Variants in STRIP2 observed in about 807,000 individuals in gnomAD.
The protein encoded by STRIP2 is striatin interacting protein 2.
Under a neutral mutation model 107.1 loss-of-function variants are expected in STRIP2, and 84 were observed. That is an observed-to-expected ratio of 0.78 (90% CI 0.66 to 0.94). The LOEUF is 0.94. Ranked by LOEUF, STRIP2 falls within the 40% of genes least tolerant of loss-of-function variation. STRIP2 has a pLI of 0.00. For missense variants in STRIP2, 888 were observed against 1,034.2 expected, an observed-to-expected ratio of 0.86 and a Z score of 1.94; for synonymous variants, 394 against 400.4, an observed-to-expected ratio of 0.98 and a Z score of 0.19.
intron 1 of STRIP2, among the ~76,000 whole-genome samples, chr7:129,436,438 C>G (rs957471909): frequency 3.3e-5 from 5 of 152,168 alleles, no homozygotes; most frequent in Non-Finnish European, 7.3e-5. Flanking sequence ...TCCAGAGACT[C>G]GAAAGCTTTC....
In STRIP2 at chr7:129,449,161, G is replaced by T. The variant is rs940165823; in HGVS notation, c.275-2452G>T. Reference sequence around the variant, plus strand: ...TTGAACGCAGAGCCCCTACTTAGTGGGCCTAAATCAATAAATTGAGCCTGA... The same window carrying T: ...TTGAACGCAGAGCCCCTACTTAGTGTGCCTAAATCAATAAATTGAGCCTGA... On this transcript the variant is annotated intron_variant, in intron 3 of 20. Coordinates refer to ENST00000249344, the MANE Select transcript of STRIP2 (RefSeq NM_020704.3). 2.0e-5 allele frequency among the ~76,000 whole-genome samples: 3 copies of T among 152,166 alleles called. 1 individual carries two copies. Among genetic ancestry groups the T allele is most frequent in the Admixed American group, 6.5e-5 (1 of 15,292 alleles).
rs2151002631 is a variant in STRIP2 at position 129,458,833 on chromosome 7, A to G, written c.1340+56A>G. On this transcript the variant is annotated intron_variant, in intron 11 of 20. Coordinates refer to ENST00000249344, the MANE Select transcript of STRIP2 (RefSeq NM_020704.3). This position sits in a 1 kb window ranked among gnomAD's most constrained non-coding sequence, Gnocchi z 4.6. ...AGAGTGGTTCCTAGGGGGCCAGAGG[A>G]GCAGGTAGCTTGGAATGAGGGATGG... 3 of 1,560,378 alleles carry G rather than the reference A, an allele frequency of 1.9e-6. No individual in the cohort carries two copies. The South Asian group carries it at 3.3e-5, about 17-fold the overall frequency.
intron 8 of STRIP2, 110 bp downstream of exon 8, chr7:129,455,481 C>T: frequency 7.3e-7 from 1 of 1,377,918 alleles, no homozygotes; most frequent in Non-Finnish European, 9.7e-7. Context: ...GAACAGGCAG[C>T]CCTTAGCCAA....
At chr7:129,450,462 C>T (rs1409033905) in intron 3 of STRIP2, among the ~76,000 whole-genome samples, 5 of 152,220 alleles carry the variant, frequency 3.3e-5, no homozygotes, top group African/African-American at 7.2e-5. Context: ...TTGCCCTACT[C>T]TCAATAGTAA....
intron 18 of STRIP2, among the ~76,000 whole-genome samples, chr7:129,472,219 C>A (rs1009733346): frequency 6.6e-6 from 1 of 152,134 alleles, no homozygotes; most frequent in Admixed American, 6.6e-5. Context: ...ATTAGTAGGG[C>A]ATTTCAGAAG....
chr7:129,476,174 G>T, intron 18 of STRIP2, among the ~76,000 whole-genome samples: 1 of 151,206 alleles, frequency 6.6e-6, no homozygotes, highest in East Asian at 2.0e-4. Flanking sequence ...CGGACGGGGC[G>T]GCTGGCCGGG....
intron 1 of STRIP2, 80 bp downstream of exon 1, chr7:129,434,681 G>GC: frequency 7.3e-7 from 1 of 1,370,630 alleles, no homozygotes; most frequent in Non-Finnish European, 9.4e-7. Flanking sequence ...TTCGGCCTCG[G>GC]CCCCGGAGCC....
chr7:129,436,826 C>T (rs769427354), intron 1 of STRIP2, among the ~76,000 whole-genome samples: 1 of 152,188 alleles, frequency 6.6e-6, no homozygotes, highest in Non-Finnish European at 1.5e-5. Flanking sequence ...GTTGACCTAC[C>T]TTCTCCCACT....
At chr7:129,470,034 T>G (rs1448711240) in intron 17 of STRIP2, among the ~76,000 whole-genome samples, 2 of 152,222 alleles carry the variant, frequency 1.3e-5, no homozygotes, top group Non-Finnish European at 2.9e-5. Context: ...TTTCCCCTCC[T>G]AACTCATGCC....
chr7:129,438,858 CAG>C (rs1464768241), intron 1 of STRIP2, among the ~76,000 whole-genome samples: 2 of 152,146 alleles, frequency 1.3e-5, no homozygotes, highest in African/African-American at 2.4e-5. Flanking sequence ...GGATATGACT[CAG>C]AAACAGCTAA....
chr7:129,442,062 T>C (rs955935240), intron 2 of STRIP2, among the ~76,000 whole-genome samples: 1 of 152,070 alleles, frequency 6.6e-6, no homozygotes, highest in African/African-American at 2.4e-5. Context: ...TTGTCTCTAG[T>C]AAAAATACAA....
At chr7:129,456,114 G>A (rs967394923) in intron 8 of STRIP2, among the ~76,000 whole-genome samples, 1 of 92,346 alleles carries the variant, frequency 1.1e-5, no homozygotes, top group Non-Finnish European at 2.8e-5. Context: ...GCACCTGGAT[G>A]GTGTTCCTTA....
intron 12 of STRIP2, 143 bp downstream of exon 12, chr7:129,459,723 T>G: frequency 1.7e-6 from 1 of 590,668 alleles, no homozygotes; most frequent in Non-Finnish European, 3.0e-6. Context: ...TTTGGCCAAA[T>G]AGGAAAAATT....
At position 129,454,410 on chromosome 7, in the gene STRIP2, T is replaced by A; in HGVS notation, c.600-11T>A. The A allele has an allele frequency of 6.2e-7, 1 of 1,608,314 alleles. No individual in the cohort carries two copies. On this transcript the variant is annotated splice_polypyrimidine_tract_variant and intron_variant, in intron 6 of 20. Coordinates refer to ENST00000249344, the MANE Select transcript of STRIP2 (RefSeq NM_020704.3). ...CCTTGGGAACCTCTTGTGACTCTTC[T>A]GTAACCCCAGGGTGCTGCTGAGTGT...
chr7:129,454,987 G>A (rs1241564540), intron 7 of STRIP2, among the ~76,000 whole-genome samples: 1 of 152,226 alleles, frequency 6.6e-6, no homozygotes, highest in African/African-American at 2.4e-5. Context: ...CTTCATTATT[G>A]TTACTTCTAG....
Position 129,451,761 on chromosome 7 carries a change from C to T in STRIP2, c.409+14C>T, listed in dbSNP as rs1399767867. 1.2e-6 allele frequency: 2 copies of T among 1,600,662 alleles called. No homozygotes were observed. Among genetic ancestry groups the T allele is most frequent in the South Asian group, 1.1e-5 (1 of 90,490 alleles). ...ACCTGGCCCAAGGTGAGTGACCACC[C>T]TTGCTAGCTTTAGAGGGGTGGAGGC... On this transcript the variant is annotated intron_variant, in intron 4 of 20. Transcript: ENST00000249344.
intron 1 of STRIP2, among the ~76,000 whole-genome samples, chr7:129,436,674 C>G (rs758809525): frequency 4.9e-4 from 74 of 152,330 alleles, no homozygotes; most frequent in Middle Eastern, 3.4e-3. Context: ...TTCTCTCCCT[C>G]TTTTTGCTTT....
chr7:129,467,039 G>A (rs1206614293), intron 16 of STRIP2, among the ~76,000 whole-genome samples: 1 of 152,170 alleles, frequency 6.6e-6, no homozygotes, highest in Non-Finnish European at 1.5e-5. Flanking sequence ...ACTCCCTCGG[G>A]GAGCCTTCCT....
intron 19 of STRIP2, 98 bp from the exon 20 acceptor site, chr7:129,482,743 AG>A: frequency 7.1e-7 from 1 of 1,410,258 alleles, no homozygotes; most frequent in Non-Finnish European, 9.8e-7. Flanking sequence ...AAAGCTCCCC[AG>A]GAATTTCTGA....
Sources: gnomAD v4.1 joint callset for allele counts (sites outside exome capture counted in the v4.1 genomes callset) on GRCh38, gnomAD v4.1.1 for gene constraint, Gnocchi (gnomAD v3.1) non-coding constraint, MANE v1.5 for transcripts, NCBI Gene and HGNC (gene_info 2026-07-23, HGNC 2026-07-21) for gene names.